INSR: variants seen among roughly 807,000 people sequenced by gnomAD.
INSR encodes insulin receptor.
Under a neutral mutation model 142.6 loss-of-function variants are expected in INSR, and 67 were observed. The observed-to-expected ratio is 0.47, with a 90% confidence interval of 0.39 to 0.58. The LOEUF is 0.58. Ranked by LOEUF, INSR falls within the 20% of genes least tolerant of loss-of-function variation. The pLI, the probability that INSR is intolerant of heterozygous loss-of-function variation, is 0.00. For missense variants in INSR, 1,248 were observed against 1,833.2 expected (o/e 0.68, Z 5.83); for synonymous variants, 756 against 743.1 (o/e 1.02, Z -0.28).
rs555432055 is a variant in INSR, at chr19:7,225,551, A to C, written c.653-40914T>G. 6.4e-4 allele frequency among the ~76,000 whole-genome samples: 98 copies of C among 152,234 alleles called. No individual in the cohort carries two copies. Among genetic ancestry groups the C allele is most frequent in the African/African-American group, 2.2e-3 (93 of 41,528 alleles). ...GACTCCCCAGCCCAGCACTTGAGTA[A>C]TACATAAACCCACCTTCATTAAATG... On this transcript the variant is annotated intron_variant, in intron 2 of 21. Transcript: ENST00000302850. This position sits in a 1 kb window ranked among gnomAD's most constrained non-coding sequence, Gnocchi z 4.7.
chr19:7,206,469 A>ACAGT (rs1975107414), intron 2 of INSR, among the ~76,000 whole-genome samples: 1 of 152,178 alleles, frequency 6.6e-6, no homozygotes, highest in Non-Finnish European at 1.5e-5. Context: ...ATCTGTATTT[A>ACAGT]CAGTCACTCC....
At position 7,205,209 on chromosome 19, in the gene INSR, G is replaced by C. The variant is rs183217450; in HGVS notation, c.653-20572C>G. On this transcript the variant is annotated intron_variant, in intron 2 of 21. Transcript: ENST00000302850. ...ATCTGAGCTCCAGATACAAGCTAAT[G>C]GTTAGAACAGACCTTTCCACAGCCT... 2.0e-5 allele frequency among the ~76,000 whole-genome samples: 3 copies of C among 152,308 alleles called. No individual in the cohort carries two copies. In the East Asian group the frequency reaches 5.8e-4, roughly 29 times the overall value.
chr19:7,226,510 G>A (rs1237252191), intron 2 of INSR, among the ~76,000 whole-genome samples: 1 of 151,544 alleles, frequency 6.6e-6, no homozygotes, highest in South Asian at 2.1e-4. Flanking sequence ...AGAGTTGCTT[G>A]AGCCTGAGAG....
intron 2 of INSR, among the ~76,000 whole-genome samples, chr19:7,229,760 C>CTTTTTTT (rs71177180): frequency 6.9e-5 from 6 of 87,498 alleles, no homozygotes; most frequent in Non-Finnish European, 1.1e-4. Context: ...CATTTACAGT[C>CTTTTTTT]TTTTTTTTTT....
rs539423418 is a variant in INSR, at chr19:7,248,525, A to G, written c.652+18820T>C. Among the ~76,000 whole-genome samples the G allele has an allele frequency of 3.6e-5, 5 of 139,118 alleles. No individual in the cohort carries two copies. In the South Asian group the frequency reaches 7.1e-4, roughly 20 times the overall value. The allele number at this position is 139,118 out of a possible 152,430, so 91.3% of individuals were successfully genotyped here. ...AAAAAAAAAGCATGACCCTCAACAT[A>G]CATACCCACCCACCCAGAAGAAGTG... On this transcript the variant is annotated intron_variant, in intron 2 of 21. Coordinates refer to ENST00000302850, the MANE Select transcript of INSR (RefSeq NM_000208.4).
chr19:7,147,076 T>G (rs1188445865), intron 11 of INSR, among the ~76,000 whole-genome samples: 1 of 152,194 alleles, frequency 6.6e-6, no homozygotes, highest in Non-Finnish European at 1.5e-5. Context: ...TTCTACAAGT[T>G]AAGGTATGTG....
intron 1 of INSR, among the ~76,000 whole-genome samples, chr19:7,293,542 C>G (rs890353224): frequency 1.3e-5 from 2 of 151,976 alleles, no homozygotes; most frequent in Non-Finnish European, 2.9e-5. Context: ...CGCGGCGGGG[C>G]GGGCACCGGG....
intron 2 of INSR, among the ~76,000 whole-genome samples, chr19:7,190,555 A>G (rs894071393): frequency 6.6e-6 from 1 of 152,088 alleles, no homozygotes; most frequent in Admixed American, 6.6e-5. Flanking sequence ...TATTTTTAGT[A>G]GAGATGGGGT....
chr19:7,217,589 C>T (rs576009112), intron 2 of INSR, among the ~76,000 whole-genome samples: 20 of 152,314 alleles, frequency 1.3e-4, no homozygotes, highest in South Asian at 4.1e-4. Flanking sequence ...GACGGAGTCT[C>T]GCTCTGTCTG....
intron 2 of INSR, among the ~76,000 whole-genome samples, chr19:7,211,803 G>A (rs1174243984): frequency 6.6e-6 from 1 of 152,168 alleles, no homozygotes; most frequent in Non-Finnish European, 1.5e-5. Flanking sequence ...ACAGGCAAGA[G>A]GGAACGAAAA....
chr19:7,213,060 A>G (rs943682415), intron 2 of INSR, among the ~76,000 whole-genome samples: 2 of 150,694 alleles, frequency 1.3e-5, no homozygotes, highest in African/African-American at 2.4e-5. Flanking sequence ...AAACCACTAC[A>G]GGGGGCCGGG....
chr19:7,246,362 C>T (rs969185431), intron 2 of INSR, among the ~76,000 whole-genome samples: 1 of 152,170 alleles, frequency 6.6e-6, no homozygotes, highest in Non-Finnish European at 1.5e-5. Context: ...CCAAACTAGC[C>T]AACTGGAGGA....
At chr19:7,122,806 AG>A in intron 18 of INSR, 33 bp from the exon 19 acceptor site, 1 of 1,614,036 alleles carries the variant, frequency 6.2e-7, no homozygotes. Flanking sequence ...GTGTTTCAGC[AG>A]CACTGGGATC....
chr19:7,286,887 C>T (rs1427073268), intron 1 of INSR, among the ~76,000 whole-genome samples: 1 of 152,108 alleles, frequency 6.6e-6, no homozygotes, highest in Non-Finnish European at 1.5e-5. Flanking sequence ...CTCACTGTTG[C>T]CCAGGCTGGA....
intron 14 of INSR, among the ~76,000 whole-genome samples, chr19:7,131,636 G>A (rs576534688): frequency 1.5e-4 from 23 of 148,622 alleles, no homozygotes; most frequent in Admixed American, 8.7e-4. Flanking sequence ...GTGAGCCACC[G>A]TGCCCAGCCA....
At position 7,234,303 on chromosome 19, in the gene INSR, C is replaced by T. The variant is rs193220805; in HGVS notation, c.652+33042G>A. On this transcript the variant is annotated intron_variant, in intron 2 of 21. Coordinates refer to ENST00000302850, the MANE Select transcript of INSR (RefSeq NM_000208.4). ...CTCACTGCAGCCTGGAACTCCCTGG[C>T]TCAAGCAATCTTCCCGTCTCAGCCT... is the stretch of plus-strand genomic sequence containing the variant. Among the ~76,000 whole-genome samples the T allele has an allele frequency of 1.6e-4, 24 of 151,876 alleles. 1 individual carries two copies. The highest frequency in any genetic ancestry group is 2.7e-4 in the Non-Finnish European group (18 of 67,910).
chr19:7,230,006 G>A (rs1480123536), intron 2 of INSR, among the ~76,000 whole-genome samples: 12 of 151,582 alleles, frequency 7.9e-5, no homozygotes, highest in East Asian at 1.9e-4. Context: ...TGTCCAGGCC[G>A]GCCTCAAACT....
chr19:7,232,407 T>G (rs1164667223), intron 2 of INSR, among the ~76,000 whole-genome samples: 2 of 152,150 alleles, frequency 1.3e-5, no homozygotes, highest in East Asian at 1.9e-4. Context: ...TTGGCCAGGC[T>G]GGTTTCAAAT....
chr19:7,221,434 C>T lies in INSR; in HGVS notation c.653-36797G>A, dbSNP rs188691622. On this transcript the variant is annotated intron_variant, in intron 2 of 21. Coordinates refer to ENST00000302850, the MANE Select transcript of INSR (RefSeq NM_000208.4). ...GAAGAAGAAGAAGAAGAAGGCTGGG[C>T]GCAGTGGCCACGCCTGTAATCCCAG... 8.3e-4 allele frequency among the ~76,000 whole-genome samples: 120 copies of T among 145,050 alleles called. 3 individuals carry two copies. Among genetic ancestry groups the T allele is most frequent in the Middle Eastern group, 3.9e-3 (1 of 258 alleles).
Sources: gnomAD v4.1 joint callset for allele counts (sites outside exome capture counted in the v4.1 genomes callset) on GRCh38, gnomAD v4.1.1 for gene constraint, Gnocchi (gnomAD v3.1) non-coding constraint, MANE v1.5 for transcripts, NCBI Gene and HGNC (gene_info 2026-07-23, HGNC 2026-07-21) for gene names.